PSMG2: variants seen among roughly 807,000 people sequenced by gnomAD.
PSMG2 encodes proteasome assembly chaperone 2.
Under a neutral mutation model 31.5 loss-of-function variants are expected in PSMG2, and 21 were observed. That is an observed-to-expected ratio of 0.67 (90% CI 0.47 to 0.96). PSMG2 has a LOEUF of 0.96. Ranked by LOEUF, PSMG2 falls within the 40% of genes least tolerant of loss-of-function variation. The probability of loss-of-function intolerance (pLI) is 0.00; values close to 1 mark genes in which losing one functional copy is unlikely to be tolerated. For synonymous variants in PSMG2, 120 were observed against 110.4 expected, an observed-to-expected ratio of 1.09 and a Z score of -0.54; for missense variants, 318 against 321.2, an observed-to-expected ratio of 0.99 and a Z score of 0.08.
Position 12,718,777 on chromosome 18 carries a change from A to T in PSMG2, c.407+142A>T, listed in dbSNP as rs145522016. The T allele has an allele frequency of 4.3e-4, 230 of 528,918 alleles. 2 individuals carry two copies. Among genetic ancestry groups the T allele is most frequent in the African/African-American group, 3.9e-3 (204 of 52,926 alleles). 32.8% of individuals were successfully genotyped at this position (528,918 alleles called of 1,614,324 possible). On this transcript the variant is annotated intron_variant, in intron 4 of 6. Transcript: ENST00000317615. ...AGAAAGAGGGGGGTAAGAGAAGGTC[A>T]GGAGATGGGAGGGAGTACAGTTAGG...
intron 1 of PSMG2, among the ~76,000 whole-genome samples, chr18:12,706,028 A>G (rs890895618): frequency 1.3e-5 from 2 of 152,250 alleles, no homozygotes; most frequent in Admixed American, 6.5e-5. Context: ...AACAATTGAC[A>G]TATAGTAGGC....
intron 5 of PSMG2, among the ~76,000 whole-genome samples, chr18:12,723,174 A>G (rs2040446443): frequency 6.6e-6 from 1 of 152,114 alleles, no homozygotes; most frequent in African/African-American, 2.4e-5. Flanking sequence ...AACTCGGCTC[A>G]CTTTTATTTC....
At chr18:12,687,472 T>C (rs1311377373) in intron 1 of PSMG2, among the ~76,000 whole-genome samples, 1 of 151,638 alleles carries the variant, frequency 6.6e-6, no homozygotes, top group Non-Finnish European at 1.5e-5. Flanking sequence ...TTTTTTTTTT[T>C]TGAGACAGAG....
chr18:12,716,388 G>GA (rs2040376099), intron 3 of PSMG2, among the ~76,000 whole-genome samples: 1 of 147,064 alleles, frequency 6.8e-6, no homozygotes, highest in Non-Finnish European at 1.5e-5. Context: ...AGTAAAGAGT[G>GA]AATTTTTTTT....
chr18:12,692,907 C>T (rs777644841), intron 1 of PSMG2, among the ~76,000 whole-genome samples: 1 of 152,182 alleles, frequency 6.6e-6, no homozygotes, highest in Non-Finnish European at 1.5e-5. Flanking sequence ...ACTGTAGCCT[C>T]GAATTCCTGG....
chr18:12,662,718 A>G (rs973224374), intron 1 of PSMG2, among the ~76,000 whole-genome samples: 4 of 152,202 alleles, frequency 2.6e-5, no homozygotes, highest in Admixed American at 6.5e-5. Context: ...CAGAGGCTGC[A>G]GTGAGCCGAG....
At chr18:12,702,751 G>A (rs554187036), upstream of PSMG2, 1,024 of 602,754 alleles carry the variant, frequency 1.7e-3, 12 homozygotes, top group South Asian at 0.018. Flanking sequence ...GGCGCCAACT[G>A]TTTTCAAACA....
At chr18:12,711,829 C>A (rs1259738712) in intron 2 of PSMG2, among the ~76,000 whole-genome samples, 2 of 146,750 alleles carry the variant, frequency 1.4e-5, no homozygotes, top group Admixed American at 7.0e-5. Flanking sequence ...TCTCTGCTCA[C>A]TGCAAGCTCC....
intron 1 of PSMG2, among the ~76,000 whole-genome samples, chr18:12,676,201 A>T (rs2039123303): frequency 6.6e-6 from 1 of 151,944 alleles, no homozygotes; most frequent in Non-Finnish European, 1.5e-5. Context: ...TTGCTGATTT[A>T]CAGGCACCTT....
chr18:12,701,249 AAAGAATGAATCTTTTG>A (rs2040140164), upstream of PSMG2: 5 of 630,302 alleles, frequency 7.9e-6, no homozygotes, highest in African/African-American at 1.8e-5. Flanking sequence ...GTAAGCTTTT[AAAGAATGAATCTTTTG>A]AGTACAAATT....
At chr18:12,662,320 G>C in intron 1 of PSMG2, among the ~76,000 whole-genome samples, 1 of 152,118 alleles carries the variant, frequency 6.6e-6, no homozygotes, top group East Asian at 1.9e-4. Flanking sequence ...CAACTTGAAG[G>C]GTCAGATATT....
At chr18:12,662,257 C>A in intron 1 of PSMG2, 1 of 428,208 alleles carries the variant, frequency 2.3e-6, no homozygotes, top group Non-Finnish European at 4.6e-6. Context: ...AATTGTAATA[C>A]CTTATACATC....
intron 1 of PSMG2, chr18:12,678,005 G>A (rs2039205871): frequency 1.2e-6 from 1 of 832,282 alleles, no homozygotes. Flanking sequence ...TAGTTGTTTT[G>A]TTCAGGGCTA....
At chr18:12,701,388 G>T (rs1258364167), upstream of PSMG2, among the ~76,000 whole-genome samples, 3 of 152,284 alleles carry the variant, frequency 2.0e-5, no homozygotes, top group East Asian at 5.8e-4. Flanking sequence ...GAAGAACACG[G>T]ACTGGGAGTA....
chr18:12,717,388 T>C (rs915447666), intron 3 of PSMG2, among the ~76,000 whole-genome samples: 3 of 152,154 alleles, frequency 2.0e-5, no homozygotes, highest in Non-Finnish European at 2.9e-5. Context: ...TAAAGCGGGC[T>C]CCCCCTGAAA....
chr18:12,715,112 G>T (rs1038354359), intron 3 of PSMG2, among the ~76,000 whole-genome samples: 2 of 151,316 alleles, frequency 1.3e-5, no homozygotes, highest in Non-Finnish European at 2.9e-5. Context: ...GGGTTCAAGC[G>T]ATTCTCCTGC....
chr18:12,701,230 G>C, upstream of PSMG2: 2 of 695,850 alleles, frequency 2.9e-6, no homozygotes, highest in Non-Finnish European at 4.8e-6. Flanking sequence ...CAATTGAATG[G>C]GAACAAAGGT....
At chr18:12,676,196 G>T (rs187823289) in intron 1 of PSMG2, among the ~76,000 whole-genome samples, 34 of 151,022 alleles carry the variant, frequency 2.3e-4, no homozygotes, top group Non-Finnish European at 4.4e-4. Flanking sequence ...AACTTTTGCT[G>T]ATTTACAGGC....
upstream of PSMG2, chr18:12,699,924 A>G (rs1179058972): frequency 6.6e-7 from 1 of 1,515,350 alleles, no homozygotes. Flanking sequence ...GCAGGAAAAA[A>G]AAATCAAAAC....
Sources: gnomAD v4.1 joint callset for allele counts (sites outside exome capture counted in the v4.1 genomes callset) on GRCh38, gnomAD v4.1.1 for gene constraint, MANE v1.5 for transcripts, NCBI Gene and HGNC (gene_info 2026-07-23, HGNC 2026-07-21) for gene names.